Variants in DENR observed in about 807,000 individuals in gnomAD.
DENR encodes the protein density-regulated protein.
A neutral mutation model predicts 30.6 loss-of-function variants in DENR; 6 were observed. The ratio of observed to expected loss-of-function variants is 0.20; its 90% CI spans 0.11 to 0.39. The LOEUF (loss-of-function observed/expected upper bound fraction) is 0.39, where lower values mean the gene tolerates loss of function less well. Among genes scored for constraint, DENR ranks in the 10% least tolerant of loss-of-function variants. The pLI, the probability that DENR is intolerant of heterozygous loss-of-function variation, is 1.00. For synonymous variants in DENR, 78 were observed against 72.1 expected, an observed-to-expected ratio of 1.08 and a Z score of -0.41; for missense variants, 141 against 230.9, an observed-to-expected ratio of 0.61 and a Z score of 2.52.
intron 2 of DENR, among the ~76,000 whole-genome samples, chr12:122,754,462 A>G (rs1878496837): frequency 1.3e-5 from 2 of 152,258 alleles, no homozygotes; most frequent in African/African-American, 4.8e-5. Flanking sequence ...GGAAACTTTC[A>G]GAAAAATCTG....
intron 2 of DENR, among the ~76,000 whole-genome samples, chr12:122,755,492 T>C (rs1044483127): frequency 6.6e-6 from 1 of 152,062 alleles, no homozygotes; most frequent in Non-Finnish European, 1.5e-5. Flanking sequence ...GGCAGGAGAA[T>C]CACTTGAACC....
chr12:122,767,713 C>T (rs1415839026), intron 6 of DENR, 109 bp downstream of exon 6: 1 of 512,008 alleles, frequency 2.0e-6, no homozygotes. Flanking sequence ...CTTCACAGGT[C>T]TGTTTTTTGC....
At chr12:122,767,741 C>T in intron 6 of DENR, 137 bp downstream of exon 6, 1 of 449,212 alleles carries the variant, frequency 2.2e-6, no homozygotes, top group Non-Finnish European at 3.8e-6. Flanking sequence ...ATAAATTTTG[C>T]ATTTCTAACT....
chr12:122,761,129 AG>A (rs1406055437), intron 2 of DENR, among the ~76,000 whole-genome samples: 1 of 152,046 alleles, frequency 6.6e-6, no homozygotes, highest in Non-Finnish European at 1.5e-5. Flanking sequence ...TAAAAAAAAT[AG>A]GCCAGGTGCG....
At chr12:122,753,635 G>C in intron 1 of DENR, 58 bp from the exon 2 acceptor site, 1 of 1,351,384 alleles carries the variant, frequency 7.4e-7, no homozygotes, top group Admixed American at 1.9e-5. Context: ...GAGGAACACT[G>C]CTCTTCTGGG....
intron 5 of DENR, among the ~76,000 whole-genome samples, chr12:122,766,266 C>T (rs1474183328): frequency 1.3e-5 from 2 of 152,162 alleles, no homozygotes; most frequent in Non-Finnish European, 1.5e-5. Flanking sequence ...AAATAATAAG[C>T]GCACATGCAC....
rs189452284 is a variant in DENR at position 122,763,370 on chromosome 12, G to A, written c.211+441G>A. ...GCCGAGATCGTGCCACTGCACTCCA[G>A]CCTGGGTGACAGAGCAAGACTCCGT... On this transcript the variant is annotated intron_variant, in intron 4 of 7. Coordinates refer to ENST00000280557, the MANE Select transcript of DENR (RefSeq NM_003677.5). 365 of 155,358 alleles carry A rather than the reference G, an allele frequency of 2.3e-3. 2 individuals are homozygous for A. Among genetic ancestry groups the A allele is most frequent in the Middle Eastern group, 3.4e-3 (1 of 296 alleles). 9.6% of individuals were successfully genotyped at this position (155,358 alleles called of 1,614,324 possible).
chr12:122,758,899 T>C (rs1387913650), intron 2 of DENR, among the ~76,000 whole-genome samples: 2 of 149,910 alleles, frequency 1.3e-5, no homozygotes, highest in South Asian at 4.2e-4. Context: ...CAGGCTGGAG[T>C]GCAGTGGCAG....
intron 3 of DENR, among the ~76,000 whole-genome samples, chr12:122,762,624 G>T (rs1486284879): frequency 1.3e-5 from 2 of 152,186 alleles, no homozygotes; most frequent in African/African-American, 2.4e-5. Context: ...AGAGGGAGAA[G>T]AAATAAATTG....
intron 2 of DENR, among the ~76,000 whole-genome samples, chr12:122,759,474 G>A (rs1317496338): frequency 6.6e-6 from 1 of 152,154 alleles, no homozygotes; most frequent in Admixed American, 6.5e-5. Flanking sequence ...CAGCACTTTG[G>A]GAGGCTGAGG....
intron 2 of DENR, among the ~76,000 whole-genome samples, chr12:122,761,600 G>A (rs1027486056): frequency 6.6e-6 from 1 of 152,098 alleles, no homozygotes; most frequent in Non-Finnish European, 1.5e-5. Flanking sequence ...TAGGTAGATC[G>A]CTTAAGCCCA....
chr12:122,756,167 G>A (rs1878543925), intron 2 of DENR, among the ~76,000 whole-genome samples: 1 of 152,070 alleles, frequency 6.6e-6, no homozygotes, highest in Non-Finnish European at 1.5e-5. Context: ...ACAAGAAATA[G>A]GCCAGGCGCG....
chr12:122,764,543 T>G (rs1009420749), intron 4 of DENR, among the ~76,000 whole-genome samples: 1 of 152,050 alleles, frequency 6.6e-6, no homozygotes, highest in Non-Finnish European at 1.5e-5. Flanking sequence ...GAGCTTGCAG[T>G]GAGCCGAGAT....
chr12:122,756,274 C>G (rs1023928507), intron 2 of DENR, among the ~76,000 whole-genome samples: 2 of 134,880 alleles, frequency 1.5e-5, no homozygotes, highest in African/African-American at 7.9e-5. Context: ...CATGGTGAAA[C>G]CCTGTCTCTA....
intron 4 of DENR, among the ~76,000 whole-genome samples, chr12:122,763,767 G>A (rs1878771196): frequency 6.6e-6 from 1 of 152,178 alleles, no homozygotes; most frequent in Non-Finnish European, 1.5e-5. Context: ...TATTGTAAGT[G>A]TACTATATGC....
At position 122,769,019 on chromosome 12, in the gene DENR, A is replaced by G; in HGVS notation, c.553-15A>G. The G allele has an allele frequency of 6.2e-7, 1 of 1,609,728 alleles. No homozygotes were observed. Among genetic ancestry groups the G allele is most frequent in the Non-Finnish European group, 8.5e-7 (1 of 1,178,588 alleles). The stretch of plus-strand genomic sequence containing the variant: ...CAACCACAACTCATGAGATATAATT[A>G]TTTGTGTTTTATAGGTAGATGATGA... On this transcript the variant is annotated splice_polypyrimidine_tract_variant and intron_variant, in intron 7 of 7. Coordinates refer to ENST00000280557, the MANE Select transcript of DENR (RefSeq NM_003677.5).
In DENR at chr12:122,770,420, T is replaced by C; in HGVS notation, c.*1342T>C. On this transcript the variant is annotated 3_prime_UTR_variant, in exon 8 of 8. Transcript: ENST00000280557. ...ACCCCAGATACATTTTAGACATTTA[T>C]CGTCATCATCTGCTCTGAGTGGAAG... is the stretch of plus-strand genomic sequence containing the variant. The C allele has an allele frequency of 2.6e-6, 1 of 391,782 alleles. No homozygotes were observed. Among genetic ancestry groups the C allele is most frequent in the Non-Finnish European group, 4.5e-6 (1 of 222,372 alleles). 24.3% of individuals were successfully genotyped at this position (391,782 alleles called of 1,614,324 possible).
chr12:122,769,213 C>A lies in DENR; in HGVS notation c.*135C>A. ...ACATATATGTATGTATACACATATACACATGTATATATACATGTGTGTATG... is the reference window on the plus strand; with the variant it reads ...ACATATATGTATGTATACACATATAAACATGTATATATACATGTGTGTATG... On this transcript the variant is annotated 3_prime_UTR_variant, in exon 8 of 8. Coordinates refer to ENST00000280557, the MANE Select transcript of DENR (RefSeq NM_003677.5). 1 of 845,048 alleles carries A rather than the reference C, an allele frequency of 1.2e-6. No homozygotes were observed. Among genetic ancestry groups the A allele is most frequent in the South Asian group, 3.8e-5 (1 of 26,040 alleles). The allele number at this position is 845,048 out of a possible 1,614,324, so 52.3% of individuals were successfully genotyped here.
chr12:122,769,232 G>GACACA lies in DENR; in HGVS notation c.*154_*155insACACA. The GACACA allele has an allele frequency of 4.1e-6, 3 of 733,216 alleles. No homozygotes were observed. The highest frequency in any genetic ancestry group is 1.9e-4 in the East Asian group (2 of 10,404). 45.4% of individuals were successfully genotyped at this position (733,216 alleles called of 1,614,324 possible). Reference sequence around the variant, plus strand: ...CATATACACATGTATATATACATGTGTGTATGTATACATGTATATATATAT... The same window carrying GACACA: ...CATATACACATGTATATATACATGTGACACATGTATGTATACATGTATATATATAT... On this transcript the variant is annotated 3_prime_UTR_variant, in exon 8 of 8. Coordinates refer to ENST00000280557, the MANE Select transcript of DENR (RefSeq NM_003677.5).
Sources: gnomAD v4.1 joint callset for allele counts (sites outside exome capture counted in the v4.1 genomes callset) on GRCh38, gnomAD v4.1.1 for gene constraint, MANE v1.5 for transcripts, NCBI Gene and HGNC (gene_info 2026-07-23, HGNC 2026-07-21) for gene names.